FBXO7: variants seen among roughly 807,000 people sequenced by gnomAD.
The protein encoded by FBXO7 is F-box only protein 7.
Under a neutral mutation model 50.2 loss-of-function variants are expected in FBXO7, and 31 were observed. The ratio of observed to expected loss-of-function variants is 0.62; its 90% CI spans 0.46 to 0.83. The LOEUF (loss-of-function observed/expected upper bound fraction) is 0.83, where lower values mean the gene tolerates loss of function less well. Ranked by LOEUF, FBXO7 falls within the 40% of genes least tolerant of loss-of-function variation. The pLI is 0.00. For synonymous variants in FBXO7, 256 were observed against 253.1 expected (o/e 1.01, Z -0.11); for missense variants, 667 against 646.6 (o/e 1.03, Z -0.34).
intron 7 of FBXO7, among the ~76,000 whole-genome samples, chr22:32,493,887 A>C (rs5994577): frequency 0.036 from 5,432 of 152,220 alleles, 315 homozygotes; most frequent in African/African-American, 0.12. Context: ...CAAAAAAACA[A>C]AACCCACAAT....
intron 8 of FBXO7, among the ~76,000 whole-genome samples, chr22:32,497,920 A>G (rs2057585859): frequency 6.6e-6 from 1 of 152,196 alleles, no homozygotes; most frequent in South Asian, 2.1e-4. Context: ...TTTAGATACA[A>G]TGCTATTGCA....
At chr22:32,475,456 A>C in intron 1 of FBXO7, 1 of 1,594,902 alleles carries the variant, frequency 6.3e-7, no homozygotes, top group South Asian at 1.1e-5. Flanking sequence ...GGGAACGCAC[A>C]ATTTCCACAA....
Position 32,484,039 on chromosome 22 carries a change from A to G in FBXO7, c.560A>G (p.Tyr187Cys), listed in dbSNP as rs752994693. 5.0e-6 allele frequency: 8 copies of G among 1,614,194 alleles called. No homozygotes were observed. Among genetic ancestry groups the G allele is most frequent in the Non-Finnish European group, 6.8e-6 (8 of 1,180,030 alleles). ...GQVPHSLETL[Y>C]QSADCSDAND... ...GTGCCACATTCATTAGAGACCTTGT[A>G]TCAATCAGCTGACTGTTCTGATGCC... The change falls in exon 3 of 9, where the codon TAT (tyrosine) becomes TGT (cysteine). Residue 187 changes from tyrosine (Y) to cysteine (C), a missense_variant. By Grantham distance (194) the Tyr-to-Cys change is radical. Transcript: ENST00000266087.
chr22:32,494,160 AT>A (rs2057557477), intron 7 of FBXO7, among the ~76,000 whole-genome samples: 3 of 149,010 alleles, frequency 2.0e-5, no homozygotes, highest in South Asian at 2.1e-4. Context: ...GATTGCTAAA[AT>A]TTTTTTTTCT....
chr22:32,476,871 ATTAC>A (rs1055401331), intron 1 of FBXO7, among the ~76,000 whole-genome samples: 7 of 152,210 alleles, frequency 4.6e-5, no homozygotes, highest in African/African-American at 1.7e-4. Flanking sequence ...AAAACTATAT[ATTAC>A]TTTAGAAATA....
chr22:32,476,670 ATTTGT>A (rs1314984829), intron 1 of FBXO7, among the ~76,000 whole-genome samples: 1 of 142,826 alleles, frequency 7.0e-6, no homozygotes, highest in Admixed American at 6.9e-5. Flanking sequence ...AAATGCTTTT[ATTTGT>A]TTTGTTTTTG....
intron 1 of FBXO7, among the ~76,000 whole-genome samples, chr22:32,476,558 A>G (rs1304756221): frequency 6.6e-6 from 1 of 152,200 alleles, no homozygotes; most frequent in Non-Finnish European, 1.5e-5. Flanking sequence ...ATTTTTTCTG[A>G]AAGTATACTC....
Position 32,474,902 on chromosome 22 carries a change from C to A in FBXO7, c.-101C>A. On this transcript the variant is annotated 5_prime_UTR_variant, in exon 1 of 9. Coordinates refer to ENST00000266087, the MANE Select transcript of FBXO7 (RefSeq NM_012179.4). ...GCTACCCCTCAGCTCCGGTAGTCGC[C>A]AGTCCGGGGTCGTCGCCGTTTGGGG... The A allele has an allele frequency of 8.3e-7, 1 of 1,206,894 alleles. No homozygotes were observed. The highest frequency in any genetic ancestry group is 1.1e-6 in the Non-Finnish European group (1 of 891,644). 74.8% of individuals were successfully genotyped at this position (1,206,894 alleles called of 1,614,324 possible). A position where few individuals can be genotyped will look rare whatever the true frequency, so the allele number is the denominator to read the frequency against.
At chr22:32,496,346 G>C (rs2057574454) in intron 8 of FBXO7, among the ~76,000 whole-genome samples, 1 of 152,136 alleles carries the variant, frequency 6.6e-6, no homozygotes, top group African/African-American at 2.4e-5. Context: ...GCCGGATGTG[G>C]TGGTGTGGAC....
intron 5 of FBXO7, chr22:32,490,820 G>A (rs2145999852): frequency 2.3e-6 from 1 of 429,518 alleles, no homozygotes. Context: ...TCTCTCACAA[G>A]TCTTTTCTAC....
chr22:32,497,731 C>G (rs1374769932), intron 8 of FBXO7, among the ~76,000 whole-genome samples: 1 of 152,170 alleles, frequency 6.6e-6, no homozygotes, highest in Non-Finnish European at 1.5e-5. Flanking sequence ...TGACAAACTT[C>G]ACTGTTGTAT....
intron 1 of FBXO7, 180 bp downstream of exon 1, chr22:32,475,304 G>T: frequency 1.2e-6 from 2 of 1,603,620 alleles, no homozygotes; most frequent in Admixed American, 3.4e-5. Flanking sequence ...TCGCGGAGCC[G>T]GAGGGTGCAG....
chr22:32,495,341 A>G, intron 7 of FBXO7, 152 bp from the exon 8 acceptor site: 1 of 588,162 alleles, frequency 1.7e-6, no homozygotes, highest in South Asian at 2.2e-5. Flanking sequence ...AGTACAAATG[A>G]TATAGTGTGT....
At chr22:32,478,064 G>C (rs2057440098) in intron 1 of FBXO7, 3 of 152,278 alleles carry the variant, frequency 2.0e-5, no homozygotes, top group Admixed American at 2.0e-4. Context: ...TGAAGATCTG[G>C]AAGAACAAAC....
At position 32,479,153 on chromosome 22, in the gene FBXO7, C is replaced by T. The variant is rs766049743; in HGVS notation, c.295C>T (p.Gln99Ter). Residue 99 changes from glutamine to a stop codon, truncating the protein, a stop_gained, in exon 2 of 9, where the codon CAG becomes TAG. Transcript: ENST00000266087. LOFTEE classifies it high-confidence loss of function. ...CACAGATTCAGAGCATTCTTCACTC[C>T]AGAATAATGAGCAACCCTCTTTGGC... ...SSTDSEHSSL[Q>*]NNEQPSLATS... 2 of 1,613,968 alleles carry T rather than the reference C, an allele frequency of 1.2e-6. No homozygotes were observed. The highest frequency in any genetic ancestry group is 2.7e-5 in the African/African-American group (2 of 74,886).
At chr22:32,489,791 C>G (rs1482206726) in intron 5 of FBXO7, 3 of 152,160 alleles carry the variant, frequency 2.0e-5, no homozygotes, top group Non-Finnish European at 4.4e-5. Context: ...GAATATGCTG[C>G]TCATTTGGCA....
At chr22:32,483,416 A>C (rs1305138927) in intron 2 of FBXO7, among the ~76,000 whole-genome samples, 2 of 152,220 alleles carry the variant, frequency 1.3e-5, no homozygotes, top group Non-Finnish European at 2.9e-5. Context: ...GACATAGTAC[A>C]TGATCAGATT....
chr22:32,477,744 T>C (rs962471252), intron 1 of FBXO7, among the ~76,000 whole-genome samples: 2 of 152,236 alleles, frequency 1.3e-5, no homozygotes, highest in African/African-American at 4.8e-5. Flanking sequence ...TGTAAGGATA[T>C]TGAATAGACA....
At chr22:32,475,766 A>G (rs1362218679) in intron 1 of FBXO7, 1 of 204,226 alleles carries the variant, frequency 4.9e-6, no homozygotes, top group African/African-American at 2.3e-5. Flanking sequence ...AGACCATTTC[A>G]TTTTCTTGGG....
Sources: gnomAD v4.1 joint callset for allele counts (sites outside exome capture counted in the v4.1 genomes callset) on GRCh38, gnomAD v4.1.1 for gene constraint, MANE v1.5 for transcripts, NCBI Gene and HGNC (gene_info 2026-07-23, HGNC 2026-07-21) for gene names.